CACNA1H: variants seen among roughly 807,000 people sequenced by gnomAD.
The protein encoded by CACNA1H is voltage-dependent T-type calcium channel subunit alpha-1H.
CACNA1H carries 149 observed loss-of-function variants against 192.5 expected under a neutral mutation model. The ratio of observed to expected loss-of-function variants is 0.77; its 90% CI spans 0.68 to 0.89. The LOEUF is 0.89. CACNA1H is among the 40% of genes least tolerant of loss of function. The pLI is 0.00. For synonymous variants in CACNA1H, 2,202 were observed against 1,475.2 expected (o/e 1.49, Z -11.29); for missense variants, 4,257 against 3,423.5 (o/e 1.24, Z -6.08).
rs566267236 is a variant in CACNA1H at position 1,175,979 on chromosome 16, A to G, written c.300-18993A>G. ...GTCTGGACCTGGCCTGGGGGCTGCC[A>G]TGCTCCCAGGACATCCTGGTGGCTG... is the stretch of plus-strand genomic sequence containing the variant. On this transcript the variant is annotated intron_variant, in intron 2 of 34. Coordinates refer to ENST00000348261, the MANE Select transcript of CACNA1H (RefSeq NM_021098.3). 2.7e-4 allele frequency among the ~76,000 whole-genome samples: 41 copies of G among 152,210 alleles called. 1 individual carries two copies. In the South Asian group the frequency reaches 8.3e-3, roughly 31 times the overall value.
At chr16:1,169,245 C>T (rs1359676881) in intron 2 of CACNA1H, among the ~76,000 whole-genome samples, 4 of 152,160 alleles carry the variant, frequency 2.6e-5, no homozygotes, top group Non-Finnish European at 4.4e-5. Context: ...GCTTCCTTTG[C>T]CGCTATGTTC....
rs546278318 is a variant in CACNA1H at position 1,181,084 on chromosome 16, C to T, written c.300-13888C>T. Among the ~76,000 whole-genome samples the T allele has an allele frequency of 5.9e-5, 9 of 152,362 alleles. No individual in the cohort carries two copies. In the East Asian group the frequency reaches 1.7e-3, roughly 29 times the overall value. On this transcript the variant is annotated intron_variant, in intron 2 of 34. Coordinates refer to ENST00000348261, the MANE Select transcript of CACNA1H (RefSeq NM_021098.3). The stretch of plus-strand genomic sequence containing the variant: ...TGCAGTGGCGCTCAGGCAGTTATTT[C>T]TGGCCTGGAGAATTCCAGCTCGGAG...
rs529851125 is a variant in CACNA1H at position 1,216,982 on chromosome 16, G to T, written c.5295G>T (p.Ala1765=). The change falls in exon 31 of 35, where the codon GCG becomes GCT. Residue 1765 remains alanine, a synonymous_variant. Transcript: ENST00000348261. ...TGCTCCTGTTTTTTATCTATGCTGCGCTGGGAGTGGAGCTGTTCGGGAGGC... is the reference window on the plus strand; with the variant it reads ...TGCTCCTGTTTTTTATCTATGCTGCTCTGGGAGTGGAGCTGTTCGGGAGGC... ...LFMLLFFIYA[A]LGVELFGRLE... is the part of the protein sequence containing the mutation. The T allele has an allele frequency of 1.6e-5, 25 of 1,600,610 alleles. No homozygotes were observed. Among genetic ancestry groups the T allele is most frequent in the Non-Finnish European group, 2.1e-5 (25 of 1,173,840 alleles).
chr16:1,217,113 G>A (rs981802239), intron 31 of CACNA1H, 103 bp downstream of exon 31: 10 of 1,018,318 alleles, frequency 9.8e-6, no homozygotes, highest in Non-Finnish European at 1.3e-5. Flanking sequence ...ATAGCGTGGG[G>A]CCTGATCAGG....
intron 10 of CACNA1H, 41 bp downstream of exon 10, chr16:1,204,499 C>G (rs760310923): frequency 6.8e-7 from 1 of 1,468,700 alleles, no homozygotes; most frequent in Non-Finnish European, 9.2e-7. Context: ...CCCTGTCAGG[C>G]TTGCAGGGCC....
chr16:1,194,980 A>G lies in CACNA1H; in HGVS notation c.308A>G (p.Glu103Gly). The change falls in exon 3 of 35, where the codon GAG (glutamate) becomes GGG (glycine). Residue 103 changes from glutamate to glycine, a missense_variant. Physicochemically the swap from Glu to Gly is moderately conservative, Grantham distance 98. Transcript: ENST00000348261. ...CLRLVCNPWF[E>G]HVSMLVIMLN... is the part of the protein sequence containing the mutation. ...TTAACCCGCGGCGACACATGGTTCG[A>G]GCACGTGAGCATGCTGGTAATCATG... 1 of 1,611,482 alleles carries G rather than the reference A, an allele frequency of 6.2e-7. No homozygotes were observed.
At position 1,220,958 on chromosome 16, in the gene CACNA1H, C is replaced by T. The variant is rs745960698; in HGVS notation, c.7026C>T (p.Thr2342=). ...AGAAACCAGGGTCCCCCTCAGCCAC[C>T]CCTGCCCCAGGGGGTGGTGCAGATG... ...PLEKPGSPSA[T]PAPGGGADDP... Residue 2342 remains threonine, a synonymous_variant, in exon 35 of 35, where the codon ACC becomes ACT. Transcript: ENST00000348261. The T allele has an allele frequency of 6.2e-6, 10 of 1,605,042 alleles. 1 individual carries two copies. In the South Asian group the frequency reaches 9.9e-5, roughly 16 times the overall value.
chr16:1,211,395 G>A lies in CACNA1H; in HGVS notation c.4351-86G>A, dbSNP rs556656194. 46 of 1,606,342 alleles carry A rather than the reference G, an allele frequency of 2.9e-5. No individual in the cohort carries two copies. In the South Asian group the frequency reaches 4.7e-4, roughly 17 times the overall value. On this transcript the variant is annotated intron_variant, in intron 22 of 34. Coordinates refer to ENST00000348261, the MANE Select transcript of CACNA1H (RefSeq NM_021098.3). ...CGCCGCTGCGGGACGGGGAGGGACAGCTCGGGCCTCACTCGCGCCCCAGGA... is the reference window on the plus strand; with the variant it reads ...CGCCGCTGCGGGACGGGGAGGGACAACTCGGGCCTCACTCGCGCCCCAGGA...
chr16:1,205,623 G>A (rs1052843210), intron 11 of CACNA1H, among the ~76,000 whole-genome samples: 1 of 152,252 alleles, frequency 6.6e-6, no homozygotes, highest in Non-Finnish European at 1.5e-5. Flanking sequence ...AATCCTGCTT[G>A]CTGCTGGAGG....
chr16:1,200,452 C>G lies in CACNA1H; in HGVS notation c.1000C>G (p.Arg334Gly). 6.2e-7 allele frequency: 1 copy of G among 1,611,570 alleles called. No homozygotes were observed. The highest frequency in any genetic ancestry group is 8.5e-7 in the Non-Finnish European group (1 of 1,179,614). The change falls in exon 7 of 35, where the codon CGC (arginine) becomes GGC (glycine). Residue 334 changes from arginine to glycine, a missense_variant. Arg to Gly is a moderately radical substitution (Grantham distance 125). Coordinates refer to ENST00000348261, the MANE Select transcript of CACNA1H (RefSeq NM_021098.3). The part of the protein sequence containing the change: ...QPQAEGVGAA[R>G]NACINWNQYY... ...GCAGGCCGAGGGGGTGGGCGCTGCA[C>G]GCAACGCCTGCATCAACTGGAACCA...
chr16:1,210,404 A>G lies in CACNA1H; in HGVS notation c.3880A>G (p.Lys1294Glu). 6.5e-7 allele frequency: 1 copy of G among 1,534,732 alleles called. No homozygotes were observed. The change falls in exon 19 of 35, where the codon AAG becomes GAG. Residue 1294 changes from lysine to glutamate, a missense_variant. Transcript: ENST00000348261. ...CTCCTGCCAGAAGGTCATCACACACAAGATGTTTGATCACGTGGTCCTCGT... is the reference window on the plus strand; with the variant it reads ...CTCCTGCCAGAAGGTCATCACACACGAGATGTTTGATCACGTGGTCCTCGT... ...RVSCQKVITH[K>E]MFDHVVLVFI...
chr16:1,198,264 C>G (rs139135992), intron 5 of CACNA1H, among the ~76,000 whole-genome samples: 3 of 149,136 alleles, frequency 2.0e-5, no homozygotes, highest in African/African-American at 7.3e-5. Flanking sequence ...GCAGCCAGTT[C>G]CCTGCCTCGG....
rs539827298 is a variant in CACNA1H, at chr16:1,213,938, G to A, written c.4929+7G>A. 4 of 1,608,150 alleles carry A rather than the reference G, an allele frequency of 2.5e-6. No homozygotes were observed. The African/African-American group carries it at 4.0e-5, about 16-fold the overall frequency. On this transcript the variant is annotated splice_region_variant and intron_variant, in intron 27 of 34. Transcript: ENST00000348261. Reference sequence around the variant, plus strand: ...GCACTATAACCAACCCAAGGTGGGTGCGAGGGGGCCGCGAGGGGCCCAGGG... The same window carrying A: ...GCACTATAACCAACCCAAGGTGGGTACGAGGGGGCCGCGAGGGGCCCAGGG...
At position 1,196,026 on chromosome 16, in the gene CACNA1H, A is replaced by G. The variant is rs78151210; in HGVS notation, c.643+3A>G. ...CCGCGCCATCAACCGCGTGCCTAGTAAGTGACCGGCCCCGACTGGGCTTGA... is the reference window on the plus strand; with the variant it reads ...CCGCGCCATCAACCGCGTGCCTAGTGAGTGACCGGCCCCGACTGGGCTTGA... On this transcript the variant is annotated splice_donor_region_variant and intron_variant, in intron 5 of 34. Coordinates refer to ENST00000348261, the MANE Select transcript of CACNA1H (RefSeq NM_021098.3). 48 of 1,611,310 alleles carry G rather than the reference A, an allele frequency of 3.0e-5. No homozygotes were observed. The East Asian group carries it at 1.0e-3, about 35-fold the overall frequency.
At chr16:1,215,963 C>A (rs754681325) in intron 30 of CACNA1H, among the ~76,000 whole-genome samples, 1 of 152,166 alleles carries the variant, frequency 6.6e-6, no homozygotes, top group Non-Finnish European at 1.5e-5. Context: ...CCCGGGGCCC[C>A]CTCGGAGCCC....
At position 1,200,662 on chromosome 16, in the gene CACNA1H, C is replaced by CGGG. The variant is rs571309152; in HGVS notation, c.1120-52_1120-50dup. The CGGG allele has an allele frequency of 3.9e-3, 6,136 of 1,570,012 alleles. 53 individuals carry two copies. The highest frequency in any genetic ancestry group is 0.017 in the South Asian group (1,464 of 88,424). ...CCCCCCAGCCCAGACCCCAGGGGCA[C>CGGG]GGGGAGGAGGAGGAGGGGTCGTGCG... On this transcript the variant is annotated intron_variant, in intron 7 of 34. Coordinates refer to ENST00000348261, the MANE Select transcript of CACNA1H (RefSeq NM_021098.3).
chr16:1,169,520 G>T (rs1402772766), intron 2 of CACNA1H, among the ~76,000 whole-genome samples: 1 of 152,206 alleles, frequency 6.6e-6, no homozygotes, highest in African/African-American at 2.4e-5. Context: ...CGTGTCTCGG[G>T]TTCCCCGTGG....
chr16:1,210,095 C>A lies in CACNA1H; in HGVS notation c.3805C>A (p.Arg1269Ser). 6.4e-7 allele frequency: 1 copy of A among 1,560,066 alleles called. No homozygotes were observed. Among genetic ancestry groups the A allele is most frequent in the East Asian group, 2.4e-5 (1 of 41,432 alleles). ...CTACAAGCCCCAGTGGTGCCGGAGC[C>A]GCGAGGCCTGGGCCCTCTACCTCTT... ...EPYKPQWCRSREAWALYLFSP... is the reference protein window; with the variant it reads ...EPYKPQWCRSSEAWALYLFSP... The change falls in exon 18 of 35, where the codon CGC (arginine) becomes AGC (serine). Residue 1269 changes from arginine to serine, a missense_variant. By Grantham distance (110) the Arg-to-Ser change is moderately radical. Coordinates refer to ENST00000348261, the MANE Select transcript of CACNA1H (RefSeq NM_021098.3).
At position 1,218,548 on chromosome 16, in the gene CACNA1H, C is replaced by T. The variant is rs767261951; in HGVS notation, c.5784C>T (p.Pro1928=). 2.4e-5 allele frequency: 37 copies of T among 1,560,524 alleles called. No individual in the cohort carries two copies. The East Asian group carries it at 2.9e-4, about 12-fold the overall frequency. ...KVSVSRMLSL[P]NDSYMFRPVV... Reference sequence around the variant, plus strand: ...CCGTGTCCAGGATGCTCTCGCTGCCCAACGACAGCTACATGTTCAGGCCCG... The same window carrying T: ...CCGTGTCCAGGATGCTCTCGCTGCCTAACGACAGCTACATGTTCAGGCCCG... The change falls in exon 33 of 35, where the codon CCC becomes CCT. Residue 1928 remains proline, a synonymous_variant. Transcript: ENST00000348261.
Sources: allele counts gnomAD v4.1 joint callset (sites outside exome capture counted in the v4.1 genomes callset), GRCh38; gene constraint gnomAD v4.1.1; transcripts MANE v1.5; gene names NCBI Gene and HGNC (gene_info 2026-07-23, HGNC 2026-07-21).